COP1: variants seen among roughly 807,000 people sequenced by gnomAD.
The protein encoded by COP1 is COP1 E3 ubiquitin ligase.
In COP1, 24 loss-of-function variants were observed where a neutral mutation model predicts 101.3. The observed-to-expected ratio is 0.24, with a 90% CI of 0.17 to 0.33. The LOEUF (loss-of-function observed/expected upper bound fraction) is 0.33. Ranked by LOEUF, COP1 falls within the 10% of genes least tolerant of loss-of-function variation. The pLI, the probability that COP1 is intolerant of heterozygous loss-of-function variation, is 1.00. For missense variants in COP1, 663 were observed against 906.2 expected (o/e 0.73, Z 3.45); for synonymous variants, 347 against 341.9 (o/e 1.01, Z -0.17).
chr1:176,206,763 G>A lies in COP1; in HGVS notation c.216C>T (p.Pro72=), dbSNP rs775819037. ...GGPVRPVLVA[P]AVSGSGGGAV... ...CCCCGCCGCCGCTACCCGATACGGC[G>A]GGCGCCACCAACACAGGCCGCACCG... The change falls in exon 1 of 20, where the codon CCC becomes CCT. Residue 72 remains proline (P), a synonymous_variant. Transcript: ENST00000367669. 1.3e-6 allele frequency: 2 copies of A among 1,513,294 alleles called. No individual in the cohort carries two copies. The highest frequency in any genetic ancestry group is 1.2e-5 in the South Asian group (1 of 82,548). 93.7% of individuals were successfully genotyped at this position (1,513,294 alleles called of 1,614,324 possible).
chr1:176,142,574 T>TG (rs1411011408), intron 6 of COP1, among the ~76,000 whole-genome samples: 1 of 152,080 alleles, frequency 6.6e-6, no homozygotes, highest in African/African-American at 2.4e-5. Flanking sequence ...TTACAATGAA[T>TG]CATGCAACTG....
At chr1:176,052,629 T>C (rs1034722471) in intron 11 of COP1, among the ~76,000 whole-genome samples, 23 of 152,164 alleles carry the variant, frequency 1.5e-4, no homozygotes, top group African/African-American at 5.3e-4. Context: ...AAAAAATTTA[T>C]GTAGGCAATG....
chr1:175,957,142 GAA>G, intron 18 of COP1, among the ~76,000 whole-genome samples: 1 of 150,818 alleles, frequency 6.6e-6, no homozygotes, highest in East Asian at 1.9e-4. Context: ...ATTGAAGAAA[GAA>G]AACATTTTAA....
At chr1:176,141,422 A>G (rs2149777567) in intron 6 of COP1, among the ~76,000 whole-genome samples, 1 of 152,096 alleles carries the variant, frequency 6.6e-6, no homozygotes, top group East Asian at 1.9e-4. Flanking sequence ...AATCTCTTGA[A>G]CCCGGGAGGT....
intron 3 of COP1, among the ~76,000 whole-genome samples, chr1:176,173,213 A>C (rs1218060875): frequency 6.7e-6 from 1 of 149,956 alleles, no homozygotes; most frequent in Non-Finnish European, 1.5e-5. Flanking sequence ...AGGGAGGCTG[A>C]GGCAGGAGAA....
chr1:175,980,090 G>A (rs1482144972), intron 18 of COP1, among the ~76,000 whole-genome samples: 3 of 152,112 alleles, frequency 2.0e-5, no homozygotes, highest in African/African-American at 7.2e-5. Context: ...TAGAAGATAA[G>A]TGGCTATTAT....
At chr1:176,100,615 G>T (rs1683243168) in intron 9 of COP1, among the ~76,000 whole-genome samples, 1 of 152,130 alleles carries the variant, frequency 6.6e-6, no homozygotes, top group South Asian at 2.1e-4. Context: ...ATAGTTCTGA[G>T]CAATTATCCT....
At chr1:175,966,302 C>T (rs867930006) in intron 18 of COP1, among the ~76,000 whole-genome samples, 2 of 140,290 alleles carry the variant, frequency 1.4e-5, no homozygotes, top group South Asian at 2.2e-4. Context: ...CACACACACA[C>T]ACACACACAC....
chr1:176,157,129 C>G (rs1382464695), intron 5 of COP1, among the ~76,000 whole-genome samples: 2 of 151,906 alleles, frequency 1.3e-5, no homozygotes, highest in Non-Finnish European at 2.9e-5. Context: ...ACCTGGGAGG[C>G]AGAGGTTGCA....
At chr1:175,961,686 AC>A (rs1651370143) in intron 18 of COP1, among the ~76,000 whole-genome samples, 2 of 119,430 alleles carry the variant, frequency 1.7e-5, no homozygotes, top group South Asian at 5.9e-4. Context: ...ACAGAGTGAG[AC>A]CCTGTCTCAA....
chr1:175,950,910 T>G (rs1187434728), intron 18 of COP1, among the ~76,000 whole-genome samples: 2 of 152,214 alleles, frequency 1.3e-5, no homozygotes, highest in African/African-American at 2.4e-5. Flanking sequence ...TAAAATAGTT[T>G]TATCTTTATT....
intron 2 of COP1, among the ~76,000 whole-genome samples, chr1:176,177,186 T>C (rs571075260): frequency 1.2e-4 from 19 of 152,152 alleles, no homozygotes; most frequent in Non-Finnish European, 2.5e-4. Context: ...TCATAGTTAT[T>C]GCTAGAGAAC....
At chr1:176,164,843 T>C (rs1027227720) in intron 3 of COP1, among the ~76,000 whole-genome samples, 1 of 152,204 alleles carries the variant, frequency 6.6e-6, no homozygotes, top group African/African-American at 2.4e-5. Flanking sequence ...AAACTGATTT[T>C]TTTTTTAAAA....
chr1:175,990,492 G>C (rs6676805), intron 15 of COP1, among the ~76,000 whole-genome samples: 20,858 of 152,062 alleles, frequency 0.14, 1,859 homozygotes, highest in East Asian at 0.31. Flanking sequence ...TTGGATGTCT[G>C]TTATGTCAGA....
At chr1:175,969,374 T>C (rs1250256195) in intron 18 of COP1, among the ~76,000 whole-genome samples, 1 of 152,142 alleles carries the variant, frequency 6.6e-6, no homozygotes, top group African/African-American at 2.4e-5. Flanking sequence ...AAGCAGGTCA[T>C]AAAAGAATTC....
intron 15 of COP1, among the ~76,000 whole-genome samples, chr1:176,007,843 A>T (rs1411656397): frequency 2.0e-5 from 3 of 152,240 alleles, no homozygotes; most frequent in African/African-American, 7.2e-5. Flanking sequence ...AGAGGCAGGC[A>T]GGCCTCCTTC....
At chr1:176,067,010 G>A (rs114057101) in intron 11 of COP1, among the ~76,000 whole-genome samples, 2 of 152,052 alleles carry the variant, frequency 1.3e-5, no homozygotes, top group Non-Finnish European at 2.9e-5. Flanking sequence ...TGGGCAAGAA[G>A]CTCTAGAAAC....
intron 18 of COP1, among the ~76,000 whole-genome samples, chr1:175,955,519 A>C (rs928159140): frequency 2.0e-5 from 3 of 152,156 alleles, no homozygotes; most frequent in Non-Finnish European, 4.4e-5. Context: ...AGGAAAAAGC[A>C]TATGGATCTG....
chr1:176,026,049 T>C (rs1296569786), intron 15 of COP1, among the ~76,000 whole-genome samples: 1 of 152,100 alleles, frequency 6.6e-6, no homozygotes, highest in Admixed American at 6.5e-5. Context: ...ATTGGAAAAC[T>C]ATAAATCTTA....
Sources: gnomAD v4.1 joint callset for allele counts (sites outside exome capture counted in the v4.1 genomes callset) on GRCh38, gnomAD v4.1.1 for gene constraint, MANE v1.5 for transcripts, NCBI Gene and HGNC (gene_info 2026-07-23, HGNC 2026-07-21) for gene names.